The following CHRM2 variants were observed in gnomAD, a reference collection of about 807,000 sequenced individuals.
CHRM2 encodes cholinergic receptor muscarinic 2.
Under a neutral mutation model 25.0 loss-of-function variants are expected in CHRM2, and 8 were observed. That is an observed-to-expected ratio of 0.32 (90% CI 0.19 to 0.58). The LOEUF (loss-of-function observed/expected upper bound fraction) is 0.58. Ranked by LOEUF, CHRM2 falls within the 20% of genes least tolerant of loss-of-function variation. CHRM2 has a pLI of 0.88. For missense variants in CHRM2, 440 were observed against 567.1 expected, an observed-to-expected ratio of 0.78 and a Z score of 2.28; for synonymous variants, 202 against 205.7, an observed-to-expected ratio of 0.98 and a Z score of 0.15.
intron 2 of CHRM2, among the ~76,000 whole-genome samples, chr7:136,945,934 G>A (rs188202673): frequency 4.1e-4 from 63 of 152,188 alleles, no homozygotes; most frequent in Non-Finnish European, 6.2e-4. Flanking sequence ...TTTGTTAGTG[G>A]AGAAGCAAAT....
chr7:136,974,116 T>C (rs953468536), intron 2 of CHRM2, among the ~76,000 whole-genome samples: 1 of 152,204 alleles, frequency 6.6e-6, no homozygotes, highest in Non-Finnish European at 1.5e-5. Flanking sequence ...GAGTGTCTTA[T>C]GATTTATGTC....
At chr7:136,934,858 CCA>C (rs1563075652) in intron 2 of CHRM2, among the ~76,000 whole-genome samples, 3 of 120,584 alleles carry the variant, frequency 2.5e-5, no homozygotes. Context: ...CTGAAAATAA[CCA>C]AAAAAAAAAA....
chr7:136,926,628 G>A lies in CHRM2; in HGVS notation c.-125+57210G>A, dbSNP rs1258415096. ...GGAGTTCAAATTTCTCATGAAAATG[G>A]TAGCATGAAACATTGCAAAGGAGGT... is the stretch of plus-strand genomic sequence containing the variant. On this transcript the variant is annotated intron_variant, in intron 2 of 3. Transcript: ENST00000680005. Among the ~76,000 whole-genome samples, 3 of 152,164 alleles carry A rather than the reference G, an allele frequency of 2.0e-5. 1 individual carries two copies. Among genetic ancestry groups the A allele is most frequent in the African/African-American group, 7.2e-5 (3 of 41,442 alleles).
intron 2 of CHRM2, among the ~76,000 whole-genome samples, chr7:136,895,252 G>A (rs2130581678): frequency 6.6e-6 from 1 of 152,186 alleles, no homozygotes; most frequent in South Asian, 2.1e-4. Context: ...ACATTTATGT[G>A]TGTCCTATAA....
At chr7:137,009,233 G>A (rs569752087) in intron 3 of CHRM2, among the ~76,000 whole-genome samples, 1 of 152,096 alleles carries the variant, frequency 6.6e-6, no homozygotes, top group Non-Finnish European at 1.5e-5. Context: ...TTATCTAAAT[G>A]TATATCAGTT....
intron 2 of CHRM2, among the ~76,000 whole-genome samples, chr7:136,940,057 G>A (rs550262660): frequency 6.6e-6 from 1 of 152,282 alleles, no homozygotes; most frequent in African/African-American, 2.4e-5. Context: ...GAACAGGATA[G>A]TTTTAAAATT....
At chr7:136,891,132 A>G (rs1162111679) in intron 2 of CHRM2, among the ~76,000 whole-genome samples, 2 of 152,330 alleles carry the variant, frequency 1.3e-5, no homozygotes, top group East Asian at 1.9e-4. Flanking sequence ...CTCTGTTACT[A>G]AGATCTTGCA....
intron 3 of CHRM2, among the ~76,000 whole-genome samples, chr7:137,004,003 C>T (rs927838586): frequency 5.3e-5 from 8 of 152,244 alleles, no homozygotes; most frequent in Non-Finnish European, 8.8e-5. Flanking sequence ...TCCTGTGAAA[C>T]TGTGGGTCAA....
At chr7:136,975,072 T>C (rs1319009383) in intron 2 of CHRM2, among the ~76,000 whole-genome samples, 2 of 152,216 alleles carry the variant, frequency 1.3e-5, no homozygotes, top group Non-Finnish European at 2.9e-5. Flanking sequence ...CAGTATATAA[T>C]TAGTTGCTAA....
intron 2 of CHRM2, among the ~76,000 whole-genome samples, chr7:136,904,822 C>A (rs1007439531): frequency 6.6e-5 from 10 of 151,822 alleles, no homozygotes; most frequent in Admixed American, 3.9e-4. Flanking sequence ...TTGGCTAAGA[C>A]CAGGTGAAAA....
intron 2 of CHRM2, among the ~76,000 whole-genome samples, chr7:136,877,979 AAAGAT>A (rs1202915847): frequency 6.6e-6 from 1 of 152,000 alleles, no homozygotes; most frequent in Non-Finnish European, 1.5e-5. Context: ...CCTTTCTATA[AAAGAT>A]AAGCACAGAA....
chr7:136,883,453 T>C (rs1796343320), intron 2 of CHRM2, among the ~76,000 whole-genome samples: 1 of 152,112 alleles, frequency 6.6e-6, no homozygotes, highest in Non-Finnish European at 1.5e-5. Context: ...TGAGGAGACT[T>C]ACTAAGGGTA....
chr7:136,909,341 T>C (rs1475306163), intron 2 of CHRM2, among the ~76,000 whole-genome samples: 2 of 151,990 alleles, frequency 1.3e-5, no homozygotes. Flanking sequence ...GCATGTGCTC[T>C]TGCATTTTTG....
chr7:136,894,654 G>A lies in CHRM2; in HGVS notation c.-125+25236G>A, dbSNP rs182226200. ...CCCAAAGTGCTGGGATTACAGGTGT[G>A]AGCCACCATGCCCAGCCTCTATTTT... On this transcript the variant is annotated intron_variant, in intron 2 of 3. Coordinates refer to ENST00000680005, the MANE Select transcript of CHRM2 (RefSeq NM_001006630.2). 6.4e-3 allele frequency among the ~76,000 whole-genome samples: 967 copies of A among 152,194 alleles called. 13 individuals carry two copies. The highest frequency in any genetic ancestry group is 0.037 in the Middle Eastern group (11 of 294).
intron 2 of CHRM2, among the ~76,000 whole-genome samples, chr7:136,977,073 A>G (rs1802151187): frequency 6.6e-6 from 1 of 152,338 alleles, no homozygotes; most frequent in African/African-American, 2.4e-5. Flanking sequence ...ACTTGGCACC[A>G]CTGTGAAAGA....
intron 2 of CHRM2, among the ~76,000 whole-genome samples, chr7:136,887,005 T>C (rs1796494061): frequency 6.6e-6 from 1 of 152,226 alleles, no homozygotes; most frequent in African/African-American, 2.4e-5. Context: ...GGCCAAAGGA[T>C]ACAATGTAGC....
At chr7:136,957,622 C>T (rs562403003) in intron 2 of CHRM2, among the ~76,000 whole-genome samples, 3 of 152,310 alleles carry the variant, frequency 2.0e-5, no homozygotes, top group African/African-American at 2.4e-5. Flanking sequence ...TGACATGTAT[C>T]TGAAAAAGCC....
intron 2 of CHRM2, among the ~76,000 whole-genome samples, chr7:136,872,818 G>A (rs1460171633): frequency 6.6e-6 from 1 of 152,198 alleles, no homozygotes; most frequent in Non-Finnish European, 1.5e-5. Flanking sequence ...GAAAAATGAG[G>A]ACAAGAATCT....
chr7:136,888,724 G>A (rs1280920324), intron 2 of CHRM2, among the ~76,000 whole-genome samples: 1 of 151,996 alleles, frequency 6.6e-6, no homozygotes, highest in African/African-American at 2.4e-5. Context: ...AACGAGTCAG[G>A]AACTGCAAAA....
Sources: allele counts gnomAD v4.1 joint callset (sites outside exome capture counted in the v4.1 genomes callset), GRCh38; gene constraint gnomAD v4.1.1; transcripts MANE v1.5; gene names NCBI Gene and HGNC (gene_info 2026-07-23, HGNC 2026-07-21).